The following FGD4 variants were observed in gnomAD, a reference collection of about 807,000 sequenced individuals.
FGD4 encodes FYVE, RhoGEF and PH domain containing 4.
Under a neutral mutation model 102.0 loss-of-function variants are expected in FGD4, and 42 were observed. The observed-to-expected ratio is 0.41, with a 90% CI of 0.32 to 0.53. The LOEUF (loss-of-function observed/expected upper bound fraction) is 0.53. Ranked by LOEUF, FGD4 falls within the 20% of genes least tolerant of loss-of-function variation. The pLI is 0.21. For synonymous variants in FGD4, 380 were observed against 375.7 expected (o/e 1.01, Z -0.13); for missense variants, 902 against 1,078.2 (o/e 0.84, Z 2.29).
At chr12:32,622,261 C>G (rs1949888368) in intron 11 of FGD4, among the ~76,000 whole-genome samples, 1 of 152,230 alleles carries the variant, frequency 6.6e-6, no homozygotes. Context: ...CTTCAGCACA[C>G]TTCCATCTGC....
intron 1 of FGD4, among the ~76,000 whole-genome samples, chr12:32,562,035 G>C (rs1381093209): frequency 6.6e-6 from 1 of 152,140 alleles, no homozygotes; most frequent in Non-Finnish European, 1.5e-5. Flanking sequence ...GTATTTGTTA[G>C]TTTCAAATCG....
chr12:32,411,774 A>G (rs1941222637), intron 1 of FGD4, among the ~76,000 whole-genome samples: 1 of 152,192 alleles, frequency 6.6e-6, no homozygotes, highest in Admixed American at 6.5e-5. Flanking sequence ...CAGGAGTTCT[A>G]GACCAGCCTG....
chr12:32,557,019 C>G (rs1944174884), intron 1 of FGD4: 1 of 152,002 alleles, frequency 6.6e-6, no homozygotes, highest in African/African-American at 2.4e-5. Flanking sequence ...TGACCAGCTA[C>G]TTTTTGTATT....
In FGD4 at chr12:32,512,729, A is replaced by G. The variant is rs373910217; in HGVS notation, c.167-51408A>G. On this transcript the variant is annotated intron_variant, in intron 1 of 16. Coordinates refer to ENST00000534526, the MANE Select transcript of FGD4 (RefSeq NM_001370298.3). ...CCTCTTTCTCTCCTAGGGAGCATAT[A>G]TGTTTTAACAGTAGGAAAAATTGAG... Among the ~76,000 whole-genome samples the G allele has an allele frequency of 1.2e-4, 18 of 152,270 alleles. No homozygotes were observed. The East Asian group carries it at 1.7e-3, about 15-fold the overall frequency.
chr12:32,479,699 A>G (rs992874043), intron 1 of FGD4, among the ~76,000 whole-genome samples: 2 of 150,536 alleles, frequency 1.3e-5, no homozygotes, highest in Non-Finnish European at 3.0e-5. Context: ...CCAAATAGTT[A>G]TATTCGTTTA....
intron 1 of FGD4, among the ~76,000 whole-genome samples, chr12:32,428,209 G>C (rs991739417): frequency 6.6e-6 from 1 of 151,778 alleles, no homozygotes; most frequent in Non-Finnish European, 1.5e-5. Flanking sequence ...ACCAGTTGTT[G>C]CTTTCCAGAT....
chr12:32,619,603 G>C, intron 10 of FGD4, 95 bp from the exon 11 acceptor site: 1 of 1,397,230 alleles, frequency 7.2e-7, no homozygotes, highest in East Asian at 2.3e-5. Context: ...TTACACTCCA[G>C]CCTGGGCAAC....
chr12:32,611,348 G>A lies in FGD4; in HGVS notation c.1749+65G>A. On this transcript the variant is annotated intron_variant, in intron 10 of 16. Transcript: ENST00000534526. ...TATAAAAATATGGCTGGGCACGGTG[G>A]CTCATGCCTGTAATCCCAGCACTTT... is the stretch of plus-strand genomic sequence containing the variant. The A allele has an allele frequency of 2.5e-6, 4 of 1,587,080 alleles. No homozygotes were observed. In the South Asian group the frequency reaches 3.3e-5, roughly 13 times the overall value.
At chr12:32,459,974 G>C (rs1003364046) in intron 1 of FGD4, among the ~76,000 whole-genome samples, 2 of 151,856 alleles carry the variant, frequency 1.3e-5, no homozygotes, top group African/African-American at 4.8e-5. Flanking sequence ...CCAAAGTGTT[G>C]GGATTATAGG....
chr12:32,502,425 A>C, intron 1 of FGD4: 1 of 838,434 alleles, frequency 1.2e-6, no homozygotes, highest in Non-Finnish European at 1.4e-6. Context: ...AGTGAGCTCT[A>C]AGCTCTTTTT....
intron 1 of FGD4, among the ~76,000 whole-genome samples, chr12:32,456,260 T>A (rs1942946746): frequency 6.6e-6 from 1 of 152,186 alleles, no homozygotes. Flanking sequence ...GTGTATACTT[T>A]TGCTATGTGA....
At chr12:32,490,553 C>G (rs1227943502) in intron 1 of FGD4, among the ~76,000 whole-genome samples, 1 of 152,006 alleles carries the variant, frequency 6.6e-6, no homozygotes, top group Non-Finnish European at 1.5e-5. Context: ...TGCCTGCCAC[C>G]ATGCCCGGCT....
intron 1 of FGD4, among the ~76,000 whole-genome samples, chr12:32,472,493 G>A (rs746923544): frequency 3.9e-5 from 6 of 152,326 alleles, no homozygotes; most frequent in Non-Finnish European, 7.3e-5. Context: ...CCGGTGCTGC[G>A]CTCAATTTCT....
intron 1 of FGD4, among the ~76,000 whole-genome samples, chr12:32,484,462 T>C (rs1457667330): frequency 6.6e-6 from 1 of 152,218 alleles, no homozygotes. Flanking sequence ...TGATTCTGAC[T>C]ACAACATCTG....
chr12:32,572,563 C>A (rs563094236), intron 2 of FGD4, among the ~76,000 whole-genome samples: 14 of 152,186 alleles, frequency 9.2e-5, no homozygotes, highest in Non-Finnish European at 1.6e-4. Flanking sequence ...CCATTCTCAT[C>A]GTCTGTAATG....
intron 1 of FGD4, among the ~76,000 whole-genome samples, chr12:32,563,358 A>G (rs1424313621): frequency 2.0e-5 from 3 of 146,388 alleles, no homozygotes; most frequent in East Asian, 2.1e-4. Flanking sequence ...CTCACATCCC[A>G]GACGGGGTGG....
chr12:32,609,004 C>T (rs762124887), intron 8 of FGD4, among the ~76,000 whole-genome samples: 1 of 152,178 alleles, frequency 6.6e-6, no homozygotes, highest in Non-Finnish European at 1.5e-5. Flanking sequence ...GCAACCTCCA[C>T]CTCCCGAGTT....
intron 1 of FGD4, among the ~76,000 whole-genome samples, chr12:32,411,458 C>G (rs573400727): frequency 1.3e-5 from 2 of 151,986 alleles, no homozygotes; most frequent in Admixed American, 6.6e-5. Flanking sequence ...TGCTTGAACC[C>G]GAGAGGCAGA....
At chr12:32,637,392 C>G (rs147045040) in intron 15 of FGD4, among the ~76,000 whole-genome samples, 2,881 of 151,296 alleles carry the variant, frequency 0.019, 46 homozygotes, top group Non-Finnish European at 0.021. Flanking sequence ...GTCAGGAGAT[C>G]GAGACCATCC....
Sources: gnomAD v4.1 joint callset for allele counts (sites outside exome capture counted in the v4.1 genomes callset) on GRCh38, gnomAD v4.1.1 for gene constraint, MANE v1.5 for transcripts, NCBI Gene and HGNC (gene_info 2026-07-23, HGNC 2026-07-21) for gene names.